FARP1: variants seen among roughly 807,000 people sequenced by gnomAD.
The protein encoded by FARP1 is FERM, ARH/RhoGEF and pleckstrin domain protein 1, also known as FERM, ARHGEF and pleckstrin domain-containing protein 1.
FARP1 carries 52 observed loss-of-function variants against 128.8 expected under a neutral mutation model. That is an observed-to-expected ratio of 0.40 (90% CI 0.32 to 0.51). The LOEUF (loss-of-function observed/expected upper bound fraction) is 0.51, where lower values mean the gene tolerates loss of function less well. Ranked by LOEUF, FARP1 falls within the 20% of genes least tolerant of loss-of-function variation. FARP1 has a pLI of 0.45. For missense variants in FARP1, 1,333 were observed against 1,367.9 expected (o/e 0.97, Z 0.40); for synonymous variants, 580 against 551.8 (o/e 1.05, Z -0.72).
intron 2 of FARP1, among the ~76,000 whole-genome samples, chr13:98,275,897 C>T (rs149142569): frequency 1.3e-5 from 2 of 152,130 alleles, no homozygotes; most frequent in African/African-American, 4.8e-5. Context: ...TTTCTTAATG[C>T]ATTTTTGAAG....
At chr13:98,228,530 A>G (rs757369229) in intron 2 of FARP1, among the ~76,000 whole-genome samples, 6 of 152,128 alleles carry the variant, frequency 3.9e-5, no homozygotes, top group Non-Finnish European at 8.8e-5. Context: ...CCTACCATTC[A>G]TCGCATCATT....
At chr13:98,242,478 C>T (rs899526103) in intron 2 of FARP1, among the ~76,000 whole-genome samples, 2 of 151,966 alleles carry the variant, frequency 1.3e-5, no homozygotes, top group African/African-American at 4.8e-5. Context: ...GAGTTCGAGA[C>T]CAGCCTGGGC....
chr13:98,184,936 A>G (rs781372096), intron 1 of FARP1, among the ~76,000 whole-genome samples: 3 of 152,212 alleles, frequency 2.0e-5, no homozygotes, highest in Non-Finnish European at 4.4e-5. Flanking sequence ...ACAAAACTCT[A>G]ATTCATAGAG....
intron 16 of FARP1, among the ~76,000 whole-genome samples, chr13:98,417,455 G>GGGAAAAAAAAAAAAAAAAAAAAA (rs1491453247): frequency 3.4e-5 from 2 of 58,478 alleles, no homozygotes; most frequent in African/African-American, 1.1e-4. Flanking sequence ...CCAGAGGTTT[G>GGGAAAAAAAAAAAAAAAAAAAAA]AAAAAAAAAA....
intron 5 of FARP1, among the ~76,000 whole-genome samples, chr13:98,373,626 C>T (rs1889456902): frequency 1.4e-5 from 2 of 148,030 alleles, no homozygotes; most frequent in Middle Eastern, 3.5e-3. Context: ...AGCAAGAGAA[C>T]AAGAATAAAA....
intron 8 of FARP1, chr13:98,386,033 G>T (rs1451013596): frequency 3.8e-6 from 2 of 526,850 alleles, no homozygotes; most frequent in African/African-American, 3.8e-5. Flanking sequence ...CCACATTACA[G>T]ATTTGTTTGG....
At chr13:98,424,298 C>A (rs1278148725) in intron 16 of FARP1, among the ~76,000 whole-genome samples, 2 of 152,190 alleles carry the variant, frequency 1.3e-5, no homozygotes, top group Non-Finnish European at 2.9e-5. Context: ...CTCCAGTGTG[C>A]AGATGGGTAG....
intron 3 of FARP1, among the ~76,000 whole-genome samples, chr13:98,344,650 A>G (rs1423001457): frequency 6.6e-6 from 1 of 152,182 alleles, no homozygotes; most frequent in African/African-American, 2.4e-5. Context: ...GGATGAGAAC[A>G]TTCATTGTGA....
chr13:98,270,341 C>T (rs931696562), intron 2 of FARP1, among the ~76,000 whole-genome samples: 5 of 151,820 alleles, frequency 3.3e-5, no homozygotes, highest in South Asian at 2.1e-4. Context: ...GTAGTATATC[C>T]GTCAAAAGGG....
chr13:98,401,842 AT>A (rs1415558201), intron 13 of FARP1: 1 of 152,178 alleles, frequency 6.6e-6, no homozygotes, highest in African/African-American at 2.4e-5. Flanking sequence ...ATAGACTCTG[AT>A]TTATTCAGGA....
At chr13:98,259,821 G>A (rs550135533) in intron 2 of FARP1, among the ~76,000 whole-genome samples, 1 of 151,020 alleles carries the variant, frequency 6.6e-6, no homozygotes, top group East Asian at 2.0e-4. Context: ...CGGATGAAGG[G>A]AAGGTGGCCT....
chr13:98,183,563 A>G (rs1350171019), intron 1 of FARP1, among the ~76,000 whole-genome samples: 4 of 152,170 alleles, frequency 2.6e-5, no homozygotes, highest in Admixed American at 6.5e-5. Context: ...TGAAATTGTT[A>G]ATAATTTCTG....
chr13:98,311,278 A>T lies in FARP1; in HGVS notation c.172-32484A>T, dbSNP rs1886448753. 2.0e-5 allele frequency among the ~76,000 whole-genome samples: 3 copies of T among 152,206 alleles called. No individual in the cohort carries two copies. In the South Asian group the frequency reaches 6.2e-4, roughly 31 times the overall value. On this transcript the variant is annotated intron_variant, in intron 2 of 26. Coordinates refer to ENST00000319562, the MANE Select transcript of FARP1 (RefSeq NM_005766.4). ...AGCCCAAAATGATCAGTACTATGTC[A>T]AAGTCCCATGGCTAAGGAATGACTG...
chr13:98,398,315 T>G (rs1414250267), intron 13 of FARP1: 1 of 152,244 alleles, frequency 6.6e-6, no homozygotes, highest in Non-Finnish European at 1.5e-5. Flanking sequence ...TATTTACGCC[T>G]TGCTTTGAAT....
chr13:98,411,183 T>A lies in FARP1; in HGVS notation c.1692+360T>A, dbSNP rs557141836. 3.9e-5 allele frequency among the ~76,000 whole-genome samples: 6 copies of A among 152,332 alleles called. No individual in the cohort carries two copies. The East Asian group carries it at 1.2e-3, about 29-fold the overall frequency. ...GAGACCTCGGAGGTGAACAGGAGAT[T>A]CATTTTATCTTTGATAATAAATTGA... On this transcript the variant is annotated intron_variant, in intron 15 of 26. Coordinates refer to ENST00000319562, the MANE Select transcript of FARP1 (RefSeq NM_005766.4).
At chr13:98,237,409 A>T (rs1265905084) in intron 2 of FARP1, among the ~76,000 whole-genome samples, 1 of 152,248 alleles carries the variant, frequency 6.6e-6, no homozygotes, top group Admixed American at 6.5e-5. Context: ...GTAAAGATGC[A>T]GCATTAAATC....
In FARP1 at chr13:98,389,937, G is replaced by T. The variant is rs370426971; in HGVS notation, c.856-20G>T. The stretch of plus-strand genomic sequence containing the variant: ...TCTATGGGTAATGGAAAAAACCACC[G>T]TTGTATTTTCCCTTTTTAGAGTGCG... On this transcript the variant is annotated intron_variant, in intron 9 of 26. Transcript: ENST00000319562. The T allele has an allele frequency of 6.2e-7, 1 of 1,612,788 alleles. No homozygotes were observed. Among genetic ancestry groups the T allele is most frequent in the Non-Finnish European group, 8.5e-7 (1 of 1,179,348 alleles).
intron 2 of FARP1, among the ~76,000 whole-genome samples, chr13:98,334,978 T>A (rs1469118248): frequency 6.6e-6 from 1 of 152,216 alleles, no homozygotes; most frequent in East Asian, 1.9e-4. Context: ...TACTAAGTCA[T>A]CACGTTTCCA....
At chr13:98,302,269 A>G (rs1015994119) in intron 2 of FARP1, among the ~76,000 whole-genome samples, 2 of 152,222 alleles carry the variant, frequency 1.3e-5, no homozygotes, top group African/African-American at 4.8e-5. Flanking sequence ...AAAATCTACC[A>G]TGAATGGCAA....
Sources: gnomAD v4.1 joint callset for allele counts (sites outside exome capture counted in the v4.1 genomes callset) on GRCh38, gnomAD v4.1.1 for gene constraint, MANE v1.5 for transcripts, NCBI Gene and HGNC (gene_info 2026-07-23, HGNC 2026-07-21) for gene names.